LRP1B: variants seen among roughly 807,000 people sequenced by gnomAD.
LRP1B encodes LDL receptor related protein 1B, also known as low-density lipoprotein receptor-related protein 1B.
In LRP1B, 217 loss-of-function variants were observed where a neutral mutation model predicts 556.6. The observed-to-expected ratio is 0.39, with a 90% CI of 0.35 to 0.44. The LOEUF is 0.44. Ranked by LOEUF, LRP1B falls within the 20% of genes least tolerant of loss-of-function variation. LRP1B has a pLI of 1.00. For missense variants in LRP1B, 5,053 were observed against 5,620.8 expected (o/e 0.90, Z 3.23); for synonymous variants, 2,047 against 1,865.8 (o/e 1.10, Z -2.50).
chr2:140,384,371 C>T (rs962288584), intron 67 of LRP1B, among the ~76,000 whole-genome samples: 1 of 152,122 alleles, frequency 6.6e-6, no homozygotes, highest in Non-Finnish European at 1.5e-5. Context: ...TCCCTACCAG[C>T]TCCACCCCGT....
intron 33 of LRP1B, among the ~76,000 whole-genome samples, chr2:140,775,413 G>T (rs966649666): frequency 6.7e-6 from 1 of 149,302 alleles, no homozygotes; most frequent in Non-Finnish European, 1.5e-5. Context: ...TGAAGCTAAG[G>T]ATTTTCATGG....
At chr2:141,713,653 G>A (rs1430848621) in intron 2 of LRP1B, among the ~76,000 whole-genome samples, 1 of 152,036 alleles carries the variant, frequency 6.6e-6, no homozygotes, top group East Asian at 1.9e-4. Flanking sequence ...TTAGAATAAA[G>A]CCACCCAAAT....
intron 59 of LRP1B, among the ~76,000 whole-genome samples, chr2:140,483,633 TATA>T (rs1399522968): frequency 2.6e-3 from 132 of 50,686 alleles, no homozygotes; most frequent in Admixed American, 3.4e-3. Flanking sequence ...TATATATATA[TATA>T]TATATTTTTT....
chr2:141,381,017 T>C lies in LRP1B; in HGVS notation c.343+99379A>G, dbSNP rs566790030. ...TGTAGAAACTAACAGAGTTAGTTAGTCAAGAAAAGTGAAGAAAACATATGA... is the reference window on the plus strand; with the variant it reads ...TGTAGAAACTAACAGAGTTAGTTAGCCAAGAAAAGTGAAGAAAACATATGA... On this transcript the variant is annotated intron_variant, in intron 3 of 90. Coordinates refer to ENST00000389484, the MANE Select transcript of LRP1B (RefSeq NM_018557.3). Among the ~76,000 whole-genome samples, 46 of 151,324 alleles carry C rather than the reference T, an allele frequency of 3.0e-4. 1 individual carries two copies. In the South Asian group the frequency reaches 9.1e-3, roughly 30 times the overall value.
intron 2 of LRP1B, among the ~76,000 whole-genome samples, chr2:141,762,553 G>C (rs1437052092): frequency 6.6e-6 from 1 of 152,006 alleles, no homozygotes; most frequent in East Asian, 1.9e-4. Flanking sequence ...TATAGAAATT[G>C]TATATTTTTT....
At chr2:142,106,887 C>G (rs1179150518) in intron 1 of LRP1B, among the ~76,000 whole-genome samples, 2 of 151,996 alleles carry the variant, frequency 1.3e-5, no homozygotes, top group African/African-American at 4.8e-5. Flanking sequence ...CACATGTTAG[C>G]TCTCATTTAG....
At chr2:141,274,090 G>A (rs1181794140) in intron 3 of LRP1B, among the ~76,000 whole-genome samples, 1 of 152,128 alleles carries the variant, frequency 6.6e-6, no homozygotes, top group Non-Finnish European at 1.5e-5. Context: ...ATAGAGAAAT[G>A]GAATCCTCCT....
intron 1 of LRP1B, among the ~76,000 whole-genome samples, chr2:141,836,857 A>G (rs139992598): frequency 4.6e-5 from 7 of 152,178 alleles, no homozygotes; most frequent in African/African-American, 1.7e-4. Context: ...AAAATTAGCA[A>G]TGCAGATTTT....
At position 141,370,835 on chromosome 2, in the gene LRP1B, A is replaced by G. The variant is rs556155160; in HGVS notation, c.343+109561T>C. Among the ~76,000 whole-genome samples the G allele has an allele frequency of 1.3e-4, 20 of 152,220 alleles. No homozygotes were observed. In the East Asian group the frequency reaches 3.7e-3, roughly 28 times the overall value. The stretch of plus-strand genomic sequence containing the variant: ...TTGATTTTTATATATGATGAGATAT[A>G]TGGATCCAGTTTCATTCTCCTGCAT... On this transcript the variant is annotated intron_variant, in intron 3 of 90. Coordinates refer to ENST00000389484, the MANE Select transcript of LRP1B (RefSeq NM_018557.3).
At chr2:140,518,931 T>A (rs1690034863) in intron 49 of LRP1B, among the ~76,000 whole-genome samples, 1 of 152,012 alleles carries the variant, frequency 6.6e-6, no homozygotes, top group African/African-American at 2.4e-5. Flanking sequence ...TTCTTTCTCT[T>A]GCCTGATTGC....
intron 86 of LRP1B, among the ~76,000 whole-genome samples, chr2:140,268,442 T>C (rs1228688693): frequency 2.6e-5 from 4 of 151,948 alleles, no homozygotes; most frequent in Non-Finnish European, 2.9e-5. Flanking sequence ...ATGAATAAAA[T>C]AGTAGCATTT....
At chr2:141,235,671 G>A (rs1196078583) in intron 5 of LRP1B, among the ~76,000 whole-genome samples, 1 of 152,080 alleles carries the variant, frequency 6.6e-6, no homozygotes, top group Non-Finnish European at 1.5e-5. Flanking sequence ...ACGCATAACT[G>A]GTGGAGTATT....
At chr2:140,562,879 G>T (rs916687885) in intron 43 of LRP1B, among the ~76,000 whole-genome samples, 1 of 152,044 alleles carries the variant, frequency 6.6e-6, no homozygotes, top group South Asian at 2.1e-4. Flanking sequence ...GCGTCCCAAA[G>T]TGCTAGGATT....
chr2:140,960,464 C>T (rs1696001892), intron 18 of LRP1B, among the ~76,000 whole-genome samples: 1 of 151,758 alleles, frequency 6.6e-6, no homozygotes. Context: ...ATCACAGTGT[C>T]ATTAAGTGTG....
At chr2:141,432,290 C>T (rs1441789623) in intron 3 of LRP1B, among the ~76,000 whole-genome samples, 1 of 152,010 alleles carries the variant, frequency 6.6e-6, no homozygotes, top group African/African-American at 2.4e-5. Flanking sequence ...TCTCGAATCC[C>T]ATTTGGTCCT....
intron 31 of LRP1B, among the ~76,000 whole-genome samples, chr2:140,838,509 G>A (rs369219501): frequency 2.0e-5 from 3 of 151,718 alleles, no homozygotes; most frequent in Non-Finnish European, 4.4e-5. Flanking sequence ...CACATGAAAA[G>A]AATTATTTAT....
At chr2:140,954,519 A>G (rs1362821690) in intron 18 of LRP1B, among the ~76,000 whole-genome samples, 1 of 152,076 alleles carries the variant, frequency 6.6e-6, no homozygotes, top group Non-Finnish European at 1.5e-5. Flanking sequence ...GCATCTGAAA[A>G]CTTTTGAAAC....
intron 1 of LRP1B, among the ~76,000 whole-genome samples, chr2:141,840,257 CTTTTTTTTTTTTT>C (rs565362139): frequency 1.2e-5 from 1 of 84,230 alleles, no homozygotes; most frequent in East Asian, 3.3e-4. Flanking sequence ...AACAAATTTC[CTTTTTTTTTTTTT>C]TTTTTTTTTT....
At chr2:141,484,734 G>A (rs1683055639) in intron 2 of LRP1B, among the ~76,000 whole-genome samples, 1 of 151,966 alleles carries the variant, frequency 6.6e-6, no homozygotes, top group Non-Finnish European at 1.5e-5. Flanking sequence ...AATTGTGAAT[G>A]GGAGTTCACT....
Sources: allele counts gnomAD v4.1 joint callset (sites outside exome capture counted in the v4.1 genomes callset), GRCh38; gene constraint gnomAD v4.1.1; transcripts MANE v1.5; gene names NCBI Gene and HGNC (gene_info 2026-07-23, HGNC 2026-07-21).